Variants in MYOM2 observed in about 807,000 individuals in gnomAD.
MYOM2 encodes myomesin-2.
Under a neutral mutation model 187.6 loss-of-function variants are expected in MYOM2, and 254 were observed. That is an observed-to-expected ratio of 1.35 (90% CI 1.22 to 1.50). The LOEUF (loss-of-function observed/expected upper bound fraction) is 1.50, where lower values mean the gene tolerates loss of function less well. MYOM2 is among the 40% of genes most tolerant of loss of function. MYOM2 has a pLI of 0.00. For missense variants in MYOM2, 2,796 were observed against 1,924.0 expected, an observed-to-expected ratio of 1.45 and a Z score of -8.48; for synonymous variants, 981 against 753.8, an observed-to-expected ratio of 1.30 and a Z score of -4.94.
chr8:2,064,785 C>G (rs1374448474), intron 6 of MYOM2, among the ~76,000 whole-genome samples: 2 of 152,028 alleles, frequency 1.3e-5, no homozygotes, highest in Non-Finnish European at 2.9e-5. Context: ...CTCCATCCCC[C>G]TCCTCCTTCT....
chr8:2,052,396 A>T (rs908579508), intron 3 of MYOM2, 83 bp downstream of exon 3: 14 of 1,402,386 alleles, frequency 1.0e-5, no homozygotes, highest in Non-Finnish European at 1.3e-5. Context: ...GGGAAGAGCG[A>T]CCTTAGCTGA....
chr8:2,068,300 T>C (rs766033165), intron 6 of MYOM2, among the ~76,000 whole-genome samples: 1 of 149,570 alleles, frequency 6.7e-6, no homozygotes, highest in Non-Finnish European at 1.5e-5. Context: ...TGGGCACAGC[T>C]CTTCAATGCC....
In MYOM2 at chr8:2,144,927, C is replaced by G. The variant is rs1303231965; in HGVS notation, c.4344C>G (p.Pro1448=). 2 of 1,614,064 alleles carry G rather than the reference C, an allele frequency of 1.2e-6. No individual in the cohort carries two copies. Among genetic ancestry groups the G allele is most frequent in the Non-Finnish European group, 1.7e-6 (2 of 1,180,044 alleles). Residue 1448 remains proline, a synonymous_variant, in exon 37 of 37, where the codon CCC becomes CCG. Transcript: ENST00000262113. ...AGAAGATCCCGGACATGGCCCCGCCCCAGCAAGCCAAGCCCAAGCTCATCC... is the reference window on the plus strand; with the variant it reads ...AGAAGATCCCGGACATGGCCCCGCCGCAGCAAGCCAAGCCCAAGCTCATCC... ...HGEKIPDMAP[P]QQAKPKLIPA... is the part of the protein sequence containing the mutation.
At position 2,086,221 on chromosome 8, in the gene MYOM2, CTTTGTGGCCCCCCACTGTTGTGATCTT is replaced by C. The variant is rs1206600378; in HGVS notation, c.1644+833_1644+859del. Reference sequence around the variant, plus strand: ...CTGCGTGGCCCCACTGTCATGATCTCTTTGTGGCCCCCCACTGTTGTGATCTTTGCGTGGCCCCACTGTCATGATCTC... The same window carrying C: ...CTGCGTGGCCCCACTGTCATGATCTCTGCGTGGCCCCACTGTCATGATCTC... On this transcript the variant is annotated intron_variant, in intron 14 of 36. Coordinates refer to ENST00000262113, the MANE Select transcript of MYOM2 (RefSeq NM_003970.4). 8.1e-4 allele frequency among the ~76,000 whole-genome samples: 15 copies of C among 18,454 alleles called. 1 individual carries two copies. Among genetic ancestry groups the C allele is most frequent in the South Asian group, 5.3e-3 (1 of 190 alleles). The allele number at this position is 18,454 out of a possible 152,430, so 12.1% of individuals were successfully genotyped here.
chr8:2,107,498 C>T (rs1380658930), intron 23 of MYOM2, among the ~76,000 whole-genome samples: 1 of 152,084 alleles, frequency 6.6e-6, no homozygotes, highest in Non-Finnish European at 1.5e-5. Context: ...AACATCCGAC[C>T]CAGGATCGGT....
In MYOM2 at chr8:2,092,416, C is replaced by A; in HGVS notation, c.1899C>A (p.Asp633Glu). The A allele has an allele frequency of 1.2e-6, 2 of 1,614,142 alleles. No homozygotes were observed. The highest frequency in any genetic ancestry group is 1.7e-6 in the Non-Finnish European group (2 of 1,180,036). Reference protein sequence around the residue: ...NTKTSVVVQWDRPKHEEDLLG... With the variant: ...NTKTSVVVQWERPKHEEDLLG... ...AGACGTCGGTGGTGGTGCAGTGGGA[C>A]CGACCTAAGCATGAGGAGGACCTGC... The change falls in exon 16 of 37, where the codon GAC (aspartate) becomes GAA (glutamate). Residue 633 changes from aspartate (D) to glutamate (E), a missense_variant. Asp to Glu is a conservative substitution (Grantham distance 45). Coordinates refer to ENST00000262113, the MANE Select transcript of MYOM2 (RefSeq NM_003970.4).
rs1796049295 is a variant in MYOM2 at position 2,086,348 on chromosome 8, CTCTGCGTGGCCTCCCACTGTT to C, written c.1644+959_1644+979del. Reference sequence around the variant, plus strand: ...CTGCGTGGCCCCCCACTGTTGTGATCTCTGCGTGGCCTCCCACTGTTGTGATCTCTGCGTGGCCTCCCACTG... The same window carrying C: ...CTGCGTGGCCCCCCACTGTTGTGATCGTGATCTCTGCGTGGCCTCCCACTG... On this transcript the variant is annotated intron_variant, in intron 14 of 36. Transcript: ENST00000262113. Among the ~76,000 whole-genome samples the C allele has an allele frequency of 3.6e-5, 3 of 83,304 alleles. 1 individual carries two copies. The highest frequency in any genetic ancestry group is 1.3e-4 in the Admixed American group (1 of 7,468). 54.7% of individuals were successfully genotyped at this position (83,304 alleles called of 152,430 possible).
intron 14 of MYOM2, among the ~76,000 whole-genome samples, chr8:2,089,237 T>TTTTTTTTTTTTGAG (rs1796209552): frequency 1.3e-5 from 2 of 151,908 alleles, no homozygotes; most frequent in Admixed American, 6.6e-5. Context: ...TCAAGGTTTT[T>TTTTTTTTTTTTGAG]AAAGTAATTA....
At chr8:2,098,397 G>A (rs1416252986) in intron 18 of MYOM2, among the ~76,000 whole-genome samples, 1 of 152,110 alleles carries the variant, frequency 6.6e-6, no homozygotes, top group Non-Finnish European at 1.5e-5. Context: ...GTCATGCAGA[G>A]TCCAAGTATG....
chr8:2,109,695 A>T (rs980044277), intron 25 of MYOM2, among the ~76,000 whole-genome samples, 164 bp downstream of exon 25: 1 of 152,164 alleles, frequency 6.6e-6, no homozygotes, highest in African/African-American at 2.4e-5. Flanking sequence ...GTTGATTCTT[A>T]CAATGTTCAA....
At chr8:2,099,420 T>G (rs1286338905) in intron 19 of MYOM2, among the ~76,000 whole-genome samples, 1 of 151,444 alleles carries the variant, frequency 6.6e-6, no homozygotes, top group Non-Finnish European at 1.5e-5. Flanking sequence ...ATTCGTGGGT[T>G]AGCTCCTGCA....
intron 1 of MYOM2, 79 bp from the exon 2 acceptor site, chr8:2,050,676 C>T (rs903843734): frequency 1.1e-5 from 9 of 819,616 alleles, no homozygotes; most frequent in Non-Finnish European, 1.6e-5. Context: ...TCATTTTCCC[C>T]TTTGGAATGA....
Position 2,052,290 on chromosome 8 carries a change from T to G in MYOM2, c.240T>G (p.Asp80Glu), listed in dbSNP as rs142122678. The G allele has an allele frequency of 6.2e-7, 1 of 1,606,460 alleles. No homozygotes were observed. Among genetic ancestry groups the G allele is most frequent in the Non-Finnish European group, 8.5e-7 (1 of 1,176,694 alleles). The change falls in exon 3 of 37, where the codon GAT becomes GAG. Residue 80 changes from aspartate (D) to glutamate (E), a missense_variant. Physicochemically the swap from Asp to Glu is conservative, Grantham distance 45 (BLOSUM62 2). Transcript: ENST00000262113. ...CGAAGCGAGTGAGCACGCAGGAAGA[T>G]GAGGAGCAGGAGAACAGAAGCAGGT... is the stretch of plus-strand genomic sequence containing the variant. The part of the protein sequence containing the change: ...VCAKRVSTQE[D>E]EEQENRSRYQ...
At chr8:2,084,555 A>G (rs1819742374) in intron 13 of MYOM2, among the ~76,000 whole-genome samples, 1 of 152,182 alleles carries the variant, frequency 6.6e-6, no homozygotes, top group Non-Finnish European at 1.5e-5. Context: ...CTCCTTATGA[A>G]AATCTCCTAT....
chr8:2,076,016 C>A, intron 10 of MYOM2, 125 bp from the exon 11 acceptor site: 1 of 837,632 alleles, frequency 1.2e-6, no homozygotes, highest in Non-Finnish European at 1.8e-6. Context: ...GTACTTTGAA[C>A]ATGAGAATTA....
At chr8:2,047,308 G>A (rs2129325764) in intron 1 of MYOM2, among the ~76,000 whole-genome samples, 1 of 152,272 alleles carries the variant, frequency 6.6e-6, no homozygotes, top group African/African-American at 2.4e-5. Context: ...CTGGGTGAGG[G>A]ACACTGGGGA....
At chr8:2,079,131 T>C (rs1159344173) in intron 12 of MYOM2, among the ~76,000 whole-genome samples, 198 bp downstream of exon 12, 1 of 152,096 alleles carries the variant, frequency 6.6e-6, no homozygotes, top group Non-Finnish European at 1.5e-5. Flanking sequence ...TGACGTACAC[T>C]CTAAAATGAA....
intron 14 of MYOM2, among the ~76,000 whole-genome samples, chr8:2,088,219 C>T (rs932183648): frequency 3.9e-5 from 6 of 152,182 alleles, no homozygotes; most frequent in African/African-American, 1.4e-4. Context: ...CTCTTTCCCC[C>T]AAGTCCCCAG....
At chr8:2,079,525 C>T (rs753177914) in intron 12 of MYOM2, 35 bp from the exon 13 acceptor site, 5 of 1,610,452 alleles carry the variant, frequency 3.1e-6, no homozygotes, top group Non-Finnish European at 4.2e-6. Flanking sequence ...GAAAACTTCG[C>T]ATGTCAAATC....
Sources: allele counts gnomAD v4.1 joint callset (sites outside exome capture counted in the v4.1 genomes callset), GRCh38; gene constraint gnomAD v4.1.1; transcripts MANE v1.5; gene names NCBI Gene and HGNC (gene_info 2026-07-23, HGNC 2026-07-21).